WDR25: variants seen among roughly 807,000 people sequenced by gnomAD.
WDR25 encodes WD repeat domain 25.
Under a neutral mutation model 47.7 loss-of-function variants are expected in WDR25, and 35 were observed. The ratio of observed to expected loss-of-function variants is 0.73; its 90% CI spans 0.56 to 0.97. The LOEUF is 0.97. Among genes scored for constraint, WDR25 ranks in the 50% least tolerant of loss-of-function variants. The pLI is 0.00. For synonymous variants in WDR25, 248 were observed against 278.9 expected, an observed-to-expected ratio of 0.89 and a Z score of 1.10; for missense variants, 634 against 704.7, an observed-to-expected ratio of 0.90 and a Z score of 1.14.
chr14:100,493,440 G>T (rs1217352024), intron 4 of WDR25, among the ~76,000 whole-genome samples: 2 of 143,286 alleles, frequency 1.4e-5, no homozygotes, highest in East Asian at 2.1e-4. Flanking sequence ...CCTATATCAG[G>T]ACTTCACTCC....
chr14:100,421,911 G>A (rs1176646716), intron 2 of WDR25, among the ~76,000 whole-genome samples: 1 of 152,140 alleles, frequency 6.6e-6, no homozygotes, highest in African/African-American at 2.4e-5. Flanking sequence ...TTTCATTGGT[G>A]TGTGGGATTC....
chr14:100,504,577 T>TCATAGTC, intron 4 of WDR25: 1 of 152,206 alleles, frequency 6.6e-6, no homozygotes. Flanking sequence ...TGTTGCTGAG[T>TCATAGTC]CATAGTCCAT....
chr14:100,397,193 G>A (rs1461278368), intron 2 of WDR25, among the ~76,000 whole-genome samples: 1 of 152,202 alleles, frequency 6.6e-6, no homozygotes, highest in East Asian at 1.9e-4. Flanking sequence ...CAGCAATGCT[G>A]TTGTCAAGGA....
At position 100,499,675 on chromosome 14, in the gene WDR25, A is replaced by T; in HGVS notation, c.1101+15551A>T. Reference sequence around the variant, plus strand: ...CAGGGTGGGTATAGGGAAGAAAGCCACCTCCTTCTTGAGACAGGAAGGAAG... The same window carrying T: ...CAGGGTGGGTATAGGGAAGAAAGCCTCCTCCTTCTTGAGACAGGAAGGAAG... On this transcript the variant is annotated intron_variant, in intron 4 of 6. Transcript: ENST00000402312. The surrounding 1 kb of genome is among the most constrained non-coding windows in gnomAD (Gnocchi z 4.4). 6.6e-6 allele frequency among the ~76,000 whole-genome samples: 1 copy of T among 151,772 alleles called. No homozygotes were observed. The highest frequency in any genetic ancestry group is 2.1e-4 in the South Asian group (1 of 4,804).
chr14:100,514,819 G>A (rs1404174393), intron 4 of WDR25, among the ~76,000 whole-genome samples: 1 of 151,936 alleles, frequency 6.6e-6, no homozygotes, highest in Admixed American at 6.6e-5. Flanking sequence ...TCATTTTTGG[G>A]TGTAAATTTA....
intron 5 of WDR25, among the ~76,000 whole-genome samples, chr14:100,528,240 G>C (rs956056175): frequency 3.3e-5 from 5 of 152,096 alleles, no homozygotes; most frequent in Non-Finnish European, 7.4e-5. Context: ...GTATGATTGG[G>C]CTGAAATCAA....
At position 100,381,002 on chromosome 14, in the gene WDR25, T is replaced by A. The variant is rs1391539742; in HGVS notation, c.78T>A (p.His26Gln). The stretch of plus-strand genomic sequence containing the variant: ...CGGACTCGGAGGCTGAGACAGAGCA[T>A]GCAGGAAGTTTTAATGCTACCGGCC... The part of the protein sequence containing the change: ...DDSDSEAETE[H>Q]AGSFNATGQQ... The change falls in exon 2 of 7, where the codon CAT becomes CAA. Residue 26 changes from histidine (H) to glutamine (Q), a missense_variant. Transcript: ENST00000402312. 6.2e-7 allele frequency: 1 copy of A among 1,614,098 alleles called. No homozygotes were observed. The highest frequency in any genetic ancestry group is 8.5e-7 in the Non-Finnish European group (1 of 1,180,052).
chr14:100,446,896 G>A (rs1242721443), intron 2 of WDR25, among the ~76,000 whole-genome samples: 2 of 152,340 alleles, frequency 1.3e-5, no homozygotes, highest in East Asian at 1.9e-4. Context: ...ACATGGCCAA[G>A]CAGCTTCTGA....
At position 100,525,903 on chromosome 14, in the gene WDR25, A is replaced by T. The variant is rs746337432; in HGVS notation, c.1135A>T (p.Thr379Ser). The change falls in exon 5 of 7, where the codon ACC (threonine) becomes TCC (serine). Residue 379 changes from threonine to serine, a missense_variant. Coordinates refer to ENST00000402312, the MANE Select transcript of WDR25 (RefSeq NM_001161476.3). The surrounding 1 kb of genome is among the most constrained non-coding windows in gnomAD (Gnocchi z 4.6). ...MRSYKATIQQ[T>S]LDILFLREGS... is the part of the protein sequence containing the mutation. ...AAGCTACAAGGCGACCATCCAGCAG[A>T]CCTTGGACATCCTGTTCCTCCGGGA... 1 of 1,613,886 alleles carries T rather than the reference A, an allele frequency of 6.2e-7. No individual in the cohort carries two copies. Among genetic ancestry groups the T allele is most frequent in the Admixed American group, 1.7e-5 (1 of 60,000 alleles).
chr14:100,408,737 C>T (rs950461592), intron 2 of WDR25, among the ~76,000 whole-genome samples: 6 of 152,200 alleles, frequency 3.9e-5, no homozygotes, highest in South Asian at 2.1e-4. Context: ...TAGTATATGA[C>T]GCCAGAAGAG....
intron 4 of WDR25, among the ~76,000 whole-genome samples, chr14:100,517,835 C>T (rs555100918): frequency 1.1e-4 from 16 of 152,276 alleles, no homozygotes; most frequent in African/African-American, 3.1e-4. Flanking sequence ...CAGAGCAAGA[C>T]GCCGTCTCAA....
At chr14:100,420,427 G>T (rs968431069) in intron 2 of WDR25, among the ~76,000 whole-genome samples, 1 of 152,030 alleles carries the variant, frequency 6.6e-6, no homozygotes. Flanking sequence ...TCATGTGGTT[G>T]TACCACAATT....
chr14:100,389,850 C>CA (rs1426000574), intron 2 of WDR25, among the ~76,000 whole-genome samples: 1 of 151,894 alleles, frequency 6.6e-6, no homozygotes, highest in African/African-American at 2.4e-5. Context: ...GGGAGCTCGG[C>CA]CCCCCCATAG....
intron 2 of WDR25, among the ~76,000 whole-genome samples, chr14:100,394,647 C>G (rs1332832431): frequency 1.3e-5 from 2 of 152,152 alleles, no homozygotes; most frequent in Non-Finnish European, 2.9e-5. Context: ...GAAAGGCCCT[C>G]CAGGGCTATC....
At chr14:100,469,397 CTA>C (rs1315439129) in intron 3 of WDR25, among the ~76,000 whole-genome samples, 17 of 152,308 alleles carry the variant, frequency 1.1e-4, no homozygotes, top group African/African-American at 3.6e-4. Context: ...CACAGCATGT[CTA>C]ATCCTCACTG....
chr14:100,412,657 G>T (rs984488849), intron 2 of WDR25, among the ~76,000 whole-genome samples: 2 of 152,032 alleles, frequency 1.3e-5, no homozygotes. Flanking sequence ...TAATCTTCTT[G>T]TTGGGAAAAT....
chr14:100,469,691 G>A (rs1899764186), intron 3 of WDR25, among the ~76,000 whole-genome samples: 2 of 152,206 alleles, frequency 1.3e-5, no homozygotes, highest in Non-Finnish European at 2.9e-5. Context: ...GCTGATGATG[G>A]CAGCACTTAC....
At chr14:100,446,129 C>T (rs1898825078) in intron 2 of WDR25, among the ~76,000 whole-genome samples, 1 of 152,160 alleles carries the variant, frequency 6.6e-6, no homozygotes, top group African/African-American at 2.4e-5. Flanking sequence ...GGAAGGGTAG[C>T]CATGAAGCTC....
chr14:100,396,122 G>A (rs1320117487), intron 2 of WDR25, among the ~76,000 whole-genome samples: 3 of 151,824 alleles, frequency 2.0e-5, no homozygotes, highest in Non-Finnish European at 4.4e-5. Context: ...GACTACAGGC[G>A]CCCACCACCA....
Sources: allele counts gnomAD v4.1 joint callset (sites outside exome capture counted in the v4.1 genomes callset), GRCh38; gene constraint gnomAD v4.1.1; non-coding constraint Gnocchi (gnomAD v3.1); transcripts MANE v1.5; gene names NCBI Gene and HGNC (gene_info 2026-07-23, HGNC 2026-07-21).